The following CTIF variants were observed in gnomAD, a reference collection of about 807,000 sequenced individuals.
CTIF encodes the protein CBP80/20-dependent translation initiation factor.
Under a neutral mutation model 66.0 loss-of-function variants are expected in CTIF, and 21 were observed. The observed-to-expected ratio is 0.32, with a 90% CI of 0.23 to 0.46. CTIF has a LOEUF of 0.46. Among genes scored for constraint, CTIF ranks in the 20% least tolerant of loss-of-function variants. The probability of loss-of-function intolerance (pLI) is 1.00; values close to 1 mark genes in which losing one functional copy is unlikely to be tolerated. For synonymous variants in CTIF, 345 were observed against 326.4 expected (o/e 1.06, Z -0.62); for missense variants, 739 against 812.7 (o/e 0.91, Z 1.10).
chr18:48,595,021 G>A (rs1394501137), intron 1 of CTIF, among the ~76,000 whole-genome samples: 2 of 152,236 alleles, frequency 1.3e-5, no homozygotes, highest in Non-Finnish European at 2.9e-5. Flanking sequence ...TCCGGTGCCA[G>A]GCATTGGAAA....
chr18:48,821,615 T>C (rs2146363155), intron 10 of CTIF, among the ~76,000 whole-genome samples: 1 of 152,390 alleles, frequency 6.6e-6, no homozygotes, highest in South Asian at 2.1e-4. Context: ...TCAGAGATCC[T>C]TCTTCCAGAG....
intron 6 of CTIF, among the ~76,000 whole-genome samples, chr18:48,709,086 TCA>T (rs1464450155): frequency 2.0e-5 from 3 of 152,226 alleles, no homozygotes; most frequent in Non-Finnish European, 4.4e-5. Context: ...CATTTAATCC[TCA>T]CAAGGATTCT....
chr18:48,640,021 C>A (rs1598786146), intron 3 of CTIF, among the ~76,000 whole-genome samples: 1 of 152,214 alleles, frequency 6.6e-6, no homozygotes, highest in Admixed American at 6.5e-5. Flanking sequence ...GTCCTTGTCA[C>A]CCCTGTCATG....
intron 7 of CTIF, among the ~76,000 whole-genome samples, chr18:48,731,185 T>C (rs558281976): frequency 6.6e-6 from 1 of 152,170 alleles, no homozygotes; most frequent in South Asian, 2.1e-4. Flanking sequence ...GCCTACCCTG[T>C]TGGGGTTTAA....
chr18:48,793,041 G>A (rs888076109), intron 9 of CTIF, among the ~76,000 whole-genome samples: 3 of 152,196 alleles, frequency 2.0e-5, no homozygotes, highest in African/African-American at 7.2e-5. Flanking sequence ...GCCACTTGGT[G>A]TAGAGCAGAA....
chr18:48,813,002 TC>T (rs140320690), intron 9 of CTIF, among the ~76,000 whole-genome samples: 25,015 of 150,444 alleles, frequency 0.17, 2,231 homozygotes, highest in Admixed American at 0.22. Flanking sequence ...CTATCGTTTT[TC>T]TTTTTGTTTC....
At chr18:48,568,790 T>G (rs2089343666) in intron 1 of CTIF, among the ~76,000 whole-genome samples, 1 of 151,842 alleles carries the variant, frequency 6.6e-6, no homozygotes, top group East Asian at 1.9e-4. Flanking sequence ...GCAGAGGAAC[T>G]GCCCTTTATA....
intron 3 of CTIF, among the ~76,000 whole-genome samples, chr18:48,645,898 C>A (rs1479923898): frequency 2.0e-5 from 3 of 152,190 alleles, no homozygotes; most frequent in African/African-American, 7.2e-5. Flanking sequence ...CTGTCCCCTG[C>A]CCTTTTCCCC....
intron 1 of CTIF, among the ~76,000 whole-genome samples, chr18:48,561,007 G>C (rs1305108082): frequency 6.6e-6 from 1 of 152,184 alleles, no homozygotes; most frequent in Non-Finnish European, 1.5e-5. Context: ...GGGAAGCTAA[G>C]GCAGGCAGAT....
At chr18:48,599,245 G>A (rs113008652) in intron 1 of CTIF, among the ~76,000 whole-genome samples, 1 of 152,098 alleles carries the variant, frequency 6.6e-6, no homozygotes, top group African/African-American at 2.4e-5. Context: ...GCATGTGACC[G>A]GATCTGAAAG....
chr18:48,766,625 A>G (rs1397129322), intron 9 of CTIF, among the ~76,000 whole-genome samples: 2 of 152,184 alleles, frequency 1.3e-5, no homozygotes, highest in African/African-American at 4.8e-5. Context: ...CCCCAGAGAC[A>G]CCGAACTGGT....
At chr18:48,845,556 G>A (rs1021649140) in intron 10 of CTIF, among the ~76,000 whole-genome samples, 2 of 151,984 alleles carry the variant, frequency 1.3e-5, no homozygotes, top group African/African-American at 4.8e-5. Context: ...CTGTGTTCAG[G>A]TTGGGAGCCC....
intron 7 of CTIF, among the ~76,000 whole-genome samples, chr18:48,736,392 C>G (rs565462501): frequency 6.6e-6 from 1 of 152,196 alleles, no homozygotes; most frequent in Non-Finnish European, 1.5e-5. Flanking sequence ...CCCCTTCTTC[C>G]TCCAGCTGCA....
At chr18:48,757,081 G>C (rs1476901758) in intron 7 of CTIF, among the ~76,000 whole-genome samples, 1 of 152,170 alleles carries the variant, frequency 6.6e-6, no homozygotes, top group Non-Finnish European at 1.5e-5. Flanking sequence ...CCTTCTTGCT[G>C]TGTCTCCATG....
intron 9 of CTIF, among the ~76,000 whole-genome samples, chr18:48,794,715 C>T (rs1485978475): frequency 6.6e-6 from 1 of 152,086 alleles, no homozygotes; most frequent in Non-Finnish European, 1.5e-5. Flanking sequence ...CTGGAGATGC[C>T]CTCTGGAGAT....
At chr18:48,606,134 G>A (rs1245274139) in intron 1 of CTIF, among the ~76,000 whole-genome samples, 1 of 152,158 alleles carries the variant, frequency 6.6e-6, no homozygotes, top group Non-Finnish European at 1.5e-5. Flanking sequence ...GCAGAGCTTG[G>A]CTTTCTCATA....
At chr18:48,554,158 A>G (rs185778634) in intron 1 of CTIF, among the ~76,000 whole-genome samples, 201 of 152,350 alleles carry the variant, frequency 1.3e-3, no homozygotes, top group African/African-American at 4.6e-3. Context: ...TGGTGCCACC[A>G]GGGGTCCTTA....
rs1463150582 is a variant in CTIF, at chr18:48,730,562, G to A, written c.584+18867G>A. Among the ~76,000 whole-genome samples, 2 of 36,486 alleles carry A rather than the reference G, an allele frequency of 5.5e-5. 1 individual carries two copies. The highest frequency in any genetic ancestry group is 3.9e-3 in the South Asian group (2 of 510). The allele number at this position is 36,486 out of a possible 152,430, so 23.9% of individuals were successfully genotyped here. A position where few individuals can be genotyped will look rare whatever the true frequency, so the allele number is the denominator to read the frequency against. On this transcript the variant is annotated intron_variant, in intron 7 of 11. Coordinates refer to ENST00000256413, the MANE Select transcript of CTIF (RefSeq NM_014772.3). ...TGTGAGGGGCTTCTGCTGTGTGAGG[G>A]GCTTCTGCGGTGTGAGGGGCCCCTG...
At chr18:48,559,221 GT>G (rs11322182) in intron 1 of CTIF, among the ~76,000 whole-genome samples, 112,954 of 149,722 alleles carry the variant, frequency 0.75, 42,951 homozygotes, top group East Asian at 0.96. Context: ...GTTTGTTGTT[GT>G]TTTTTTTTTT....
Sources: gnomAD v4.1 joint callset for allele counts (sites outside exome capture counted in the v4.1 genomes callset) on GRCh38, gnomAD v4.1.1 for gene constraint, MANE v1.5 for transcripts, NCBI Gene and HGNC (gene_info 2026-07-23, HGNC 2026-07-21) for gene names.